Variants in EIF2A observed in about 807,000 individuals in gnomAD.
EIF2A encodes the protein 65 kDa eukaryotic translation initiation factor 2A.
EIF2A carries 62 observed loss-of-function variants against 75.2 expected under a neutral mutation model. That is an observed-to-expected ratio of 0.82 (90% CI 0.67 to 1.02). EIF2A has a LOEUF of 1.02. Ranked by LOEUF, EIF2A falls within the 50% of genes least tolerant of loss-of-function variation. The pLI, the probability that EIF2A is intolerant of heterozygous loss-of-function variation, is 0.00. For synonymous variants in EIF2A, 207 were observed against 239.0 expected (o/e 0.87, Z 1.23); for missense variants, 611 against 677.7 (o/e 0.90, Z 1.09).
intron 9 of EIF2A, among the ~76,000 whole-genome samples, chr3:150,571,095 T>C (rs1008339380): frequency 6.6e-6 from 1 of 152,000 alleles, no homozygotes; most frequent in African/African-American, 2.4e-5. Flanking sequence ...TGAAAGGATA[T>C]CCAAGAAATA....
At chr3:150,569,385 CTT>C (rs1385289124) in intron 9 of EIF2A, among the ~76,000 whole-genome samples, 16 of 151,546 alleles carry the variant, frequency 1.1e-4, no homozygotes, top group Admixed American at 4.0e-4. Context: ...TCATTTCTCT[CTT>C]GTCAGTCTAA....
chr3:150,573,061 T>C (rs541627180), intron 10 of EIF2A, among the ~76,000 whole-genome samples: 101 of 152,302 alleles, frequency 6.6e-4, no homozygotes, highest in African/African-American at 2.4e-3. Context: ...TTCAGATTTT[T>C]CCTATTTCTG....
intron 11 of EIF2A, among the ~76,000 whole-genome samples, chr3:150,577,238 C>T (rs1292505906): frequency 6.6e-6 from 1 of 152,260 alleles, no homozygotes; most frequent in Admixed American, 6.5e-5. Flanking sequence ...TTTCCAAATG[C>T]CCCACCTTTT....
rs1018418458 is a variant in EIF2A, at chr3:150,585,912, G to A, written c.*2001G>A. ...AGACATGGTGAGAAAGCAGCCAGCT[G>A]TAAGCCAGAGAGTCCTCACCAGAAC... On this transcript the variant is annotated 3_prime_UTR_variant, in exon 14 of 14. Coordinates refer to ENST00000460851, the MANE Select transcript of EIF2A (RefSeq NM_032025.5). 2.6e-5 allele frequency among the ~76,000 whole-genome samples: 4 copies of A among 152,236 alleles called. No homozygotes were observed. The highest frequency in any genetic ancestry group is 7.2e-5 in the African/African-American group (3 of 41,460).
At chr3:150,573,818 G>A (rs73001347) in intron 10 of EIF2A, among the ~76,000 whole-genome samples, 22,536 of 152,008 alleles carry the variant, frequency 0.15, 1,701 homozygotes, top group Non-Finnish European at 0.16. Context: ...GTTGGGGTTC[G>A]TCCCTCACAG....
At chr3:150,554,557 A>C (rs1233379661) in intron 2 of EIF2A, among the ~76,000 whole-genome samples, 1 of 152,002 alleles carries the variant, frequency 6.6e-6, no homozygotes, top group East Asian at 1.9e-4. Context: ...AAATGTTCGG[A>C]TTCATTAGAT....
chr3:150,583,858 C>T lies in EIF2A; in HGVS notation c.1705C>T (p.Gln569Ter). The change falls in exon 14 of 14, where the codon CAG (glutamine) becomes TAG (stop). Residue 569 changes from glutamine (Q) to a stop codon, truncating the protein, a stop_gained. Transcript: ENST00000460851. LOFTEE classifies it high-confidence loss of function. ...QLEKNQLEKI[Q>*]KETALLQELE... ...CAAACTTTTCTAGTTGGAGAAAATT[C>T]AGAAAGAAACAGCCCTTCTCCAGGA... 1.2e-6 allele frequency: 2 copies of T among 1,613,198 alleles called. No individual in the cohort carries two copies. The highest frequency in any genetic ancestry group is 1.7e-6 in the Non-Finnish European group (2 of 1,179,572).
chr3:150,572,855 CAAAAAA>C (rs774758560), intron 10 of EIF2A, among the ~76,000 whole-genome samples: 1 of 102,008 alleles, frequency 9.8e-6, no homozygotes, highest in Non-Finnish European at 2.0e-5. Context: ...GACTCCGTCT[CAAAAAA>C]AAAAAAAAAA....
intron 11 of EIF2A, among the ~76,000 whole-genome samples, chr3:150,579,526 A>G (rs578030025): frequency 2.0e-4 from 31 of 152,236 alleles, no homozygotes; most frequent in South Asian, 4.1e-4. Context: ...CCTGTCTAAC[A>G]TGGTGAAACC....
intron 3 of EIF2A, among the ~76,000 whole-genome samples, chr3:150,560,316 T>G (rs12629958): frequency 0.2 from 30,437 of 152,144 alleles, 3,300 homozygotes; most frequent in East Asian, 0.4. Context: ...CTAGATTTCA[T>G]GTATTGATTG....
At chr3:150,561,603 C>T (rs1232691292) in intron 3 of EIF2A, among the ~76,000 whole-genome samples, 6 of 151,730 alleles carry the variant, frequency 4.0e-5, no homozygotes, top group Non-Finnish European at 5.9e-5. Context: ...CAAAAGTATA[C>T]TTTTGCCATT....
intron 2 of EIF2A, among the ~76,000 whole-genome samples, chr3:150,554,377 AAG>A (rs1356889971): frequency 2.0e-5 from 3 of 152,220 alleles, no homozygotes; most frequent in Non-Finnish European, 4.4e-5. Context: ...TGATGAGAAA[AAG>A]AATTTTATAG....
At position 150,567,923 on chromosome 3, in the gene EIF2A, A is replaced by G; in HGVS notation, c.571A>G (p.Ser191Gly). Residue 191 changes from serine (S) to glycine (G), a missense_variant, in exon 8 of 14, where the codon AGT (serine) becomes GGT (glycine). Ser to Gly is a moderately conservative substitution (Grantham distance 56). Transcript: ENST00000460851. ...TTAGGTGGCTGTCTATGTTCCAGGA[A>G]GTAAAGGTGCACCTTCATTTGTTAG... Reference protein sequence around the residue: ...PYKVAVYVPGSKGAPSFVRLY... With the variant: ...PYKVAVYVPGGKGAPSFVRLY... The G allele has an allele frequency of 6.2e-7, 1 of 1,610,272 alleles. No individual in the cohort carries two copies. The highest frequency in any genetic ancestry group is 1.3e-5 in the African/African-American group (1 of 74,832).
intron 1 of EIF2A, among the ~76,000 whole-genome samples, chr3:150,550,681 G>A (rs1221455332): frequency 3.9e-5 from 6 of 152,106 alleles, no homozygotes; most frequent in South Asian, 2.1e-4. Flanking sequence ...GTGAAACCTC[G>A]TCTCTACAAG....
At position 150,575,768 on chromosome 3, in the gene EIF2A, T is replaced by TG. The variant is rs764365501; in HGVS notation, c.1497+10dup. 4 of 1,604,252 alleles carry TG rather than the reference T, an allele frequency of 2.5e-6. No individual in the cohort carries two copies. In the East Asian group the frequency reaches 6.7e-5, roughly 27 times the overall value. ...CTAAGAAAGCTGCAAAGCAGGTATT[T>TG]GGGGCACTAATCTCATAACAAAACA... On this transcript the variant is annotated splice_region_variant and intron_variant, in intron 11 of 13. Coordinates refer to ENST00000460851, the MANE Select transcript of EIF2A (RefSeq NM_032025.5).
intron 6 of EIF2A, chr3:150,566,226 T>C (rs1370762928): frequency 6.6e-6 from 1 of 152,220 alleles, no homozygotes; most frequent in African/African-American, 2.4e-5. Context: ...CTTTGCTATA[T>C]GGTAAGACAA....
chr3:150,547,804 C>A (rs1387369191), intron 1 of EIF2A, among the ~76,000 whole-genome samples: 1 of 152,148 alleles, frequency 6.6e-6, no homozygotes, highest in Non-Finnish European at 1.5e-5. Context: ...AGTCTGTCTT[C>A]TGCAGTTTAG....
At chr3:150,578,251 TATAA>T (rs952958494) in intron 11 of EIF2A, among the ~76,000 whole-genome samples, 3 of 149,976 alleles carry the variant, frequency 2.0e-5, no homozygotes, top group Non-Finnish European at 3.0e-5. Flanking sequence ...ATACTTATTA[TATAA>T]ATAATTACTT....
chr3:150,581,519 A>G, intron 11 of EIF2A, 99 bp from the exon 12 acceptor site: 2 of 1,356,822 alleles, frequency 1.5e-6, no homozygotes, highest in Non-Finnish European at 2.0e-6. Flanking sequence ...ATAAAATCAC[A>G]TATTTAGTTT....
Sources: gnomAD v4.1 joint callset for allele counts (sites outside exome capture counted in the v4.1 genomes callset) on GRCh38, gnomAD v4.1.1 for gene constraint, MANE v1.5 for transcripts, NCBI Gene and HGNC (gene_info 2026-07-23, HGNC 2026-07-21) for gene names.